Variants in DEPDC1B observed in about 807,000 individuals in gnomAD.
DEPDC1B encodes the protein DEP domain containing 1B, also known as DEP domain-containing protein 1B.
Under a neutral mutation model 66.5 loss-of-function variants are expected in DEPDC1B, and 51 were observed. The ratio of observed to expected loss-of-function variants is 0.77; its 90% CI spans 0.61 to 0.97. DEPDC1B has a LOEUF of 0.97. DEPDC1B is among the 50% of genes least tolerant of loss of function. The pLI, the probability that DEPDC1B is intolerant of heterozygous loss-of-function variation, is 0.00. For synonymous variants in DEPDC1B, 226 were observed against 223.6 expected, an observed-to-expected ratio of 1.01 and a Z score of -0.10; for missense variants, 552 against 637.1, an observed-to-expected ratio of 0.87 and a Z score of 1.44.
At chr5:60,639,346 ATTC>A (rs1335570003) in intron 6 of DEPDC1B, among the ~76,000 whole-genome samples, 2 of 152,310 alleles carry the variant, frequency 1.3e-5, no homozygotes, top group Non-Finnish European at 2.9e-5. Flanking sequence ...TCATTATTTC[ATTC>A]TTGTTATATT....
chr5:60,671,183 G>GAGT (rs1238738085), intron 2 of DEPDC1B, among the ~76,000 whole-genome samples: 1 of 152,186 alleles, frequency 6.6e-6, no homozygotes, highest in Non-Finnish European at 1.5e-5. Context: ...TGAGGATGAA[G>GAGT]AGTCAAGGAG....
chr5:60,666,041 C>T (rs1199118270), intron 2 of DEPDC1B, among the ~76,000 whole-genome samples: 3 of 152,202 alleles, frequency 2.0e-5, no homozygotes. Flanking sequence ...TCTTCTGGTC[C>T]GCGTTTGTTA....
intron 1 of DEPDC1B, chr5:60,687,809 A>G: frequency 4.7e-6 from 1 of 214,698 alleles, no homozygotes; most frequent in African/African-American, 2.4e-5. Context: ...TACAGGAGTG[A>G]GCCACTGCAC....
intron 7 of DEPDC1B, among the ~76,000 whole-genome samples, chr5:60,607,729 A>G (rs1752339904): frequency 6.6e-6 from 1 of 152,234 alleles, no homozygotes; most frequent in Admixed American, 6.5e-5. Context: ...TAAGGAGGTA[A>G]CATGTGAGCA....
intron 1 of DEPDC1B, among the ~76,000 whole-genome samples, chr5:60,690,159 A>G (rs1754509530): frequency 6.6e-6 from 1 of 152,236 alleles, no homozygotes; most frequent in African/African-American, 2.4e-5. Context: ...TAAGCATTTT[A>G]TATACTTATA....
chr5:60,652,234 G>T (rs1306500142), intron 2 of DEPDC1B, among the ~76,000 whole-genome samples: 1 of 149,482 alleles, frequency 6.7e-6, no homozygotes, highest in African/African-American at 2.5e-5. Context: ...GCATTAGCAT[G>T]ATCTGAAAAT....
intron 9 of DEPDC1B, 114 bp downstream of exon 9, chr5:60,603,277 C>T (rs922435794): frequency 2.6e-5 from 26 of 998,470 alleles, no homozygotes; most frequent in Non-Finnish European, 3.6e-5. Flanking sequence ...GTTGTAAGTA[C>T]TTTATAAACA....
chr5:60,686,949 A>C lies in DEPDC1B; in HGVS notation c.314+13T>G, dbSNP rs766196207. The C allele has an allele frequency of 1.2e-6, 2 of 1,613,096 alleles. No individual in the cohort carries two copies. The highest frequency in any genetic ancestry group is 1.7e-6 in the Non-Finnish European group (2 of 1,179,138). ...CCAATTCCTCACCTTCCAGGTTTAC[A>C]TGTTGCCATTACCTGTATAAGTGAC... On this transcript the variant is annotated intron_variant, in intron 2 of 10. Transcript: ENST00000265036.
intron 7 of DEPDC1B, 49 bp from the exon 8 acceptor site, chr5:60,605,905 A>G (rs771345169): frequency 6.7e-7 from 1 of 1,503,000 alleles, no homozygotes; most frequent in Non-Finnish European, 8.9e-7. Context: ...ATAGCCTAGT[A>G]GATTCTATAT....
In DEPDC1B at chr5:60,655,400, T is replaced by C. The variant is rs1469600905; in HGVS notation, c.315-7867A>G. ...ATTTATACATCTCCTCTAGGTTTTC[T>C]AGTTTGTGCACATTAAGGTGTTCCT... On this transcript the variant is annotated intron_variant, in intron 2 of 10. Coordinates refer to ENST00000265036, the MANE Select transcript of DEPDC1B (RefSeq NM_018369.3). Among the ~76,000 whole-genome samples the C allele has an allele frequency of 2.7e-5, 4 of 149,154 alleles. 1 individual carries two copies. The highest frequency in any genetic ancestry group is 4.4e-5 in the Non-Finnish European group (3 of 67,912).
intron 7 of DEPDC1B, chr5:60,630,709 G>C (rs1457954790): frequency 1.3e-5 from 2 of 152,478 alleles, no homozygotes; most frequent in Admixed American, 6.5e-5. Flanking sequence ...GGGCTCTTTA[G>C]CACTTAGGAG....
chr5:60,638,837 C>T lies in DEPDC1B; in HGVS notation c.811G>A (p.Val271Ile), dbSNP rs1392348811. 26 of 1,613,234 alleles carry T rather than the reference C, an allele frequency of 1.6e-5. No individual in the cohort carries two copies. Among genetic ancestry groups the T allele is most frequent in the Non-Finnish European group, 2.1e-5 (25 of 1,179,588 alleles). Residue 271 changes from valine (V) to isoleucine (I), a missense_variant, in exon 7 of 11, where the codon GTC becomes ATC. By Grantham distance (29) the Val-to-Ile change is conservative. Transcript: ENST00000265036. ...QPMYLGFEKD[V>I]FKTIADYYGH... ...TAGTAATCAGCTATGGTTTTAAAGA[C>T]ATCTTTTTCAAATCCCAAGTACATA...
intron 7 of DEPDC1B, among the ~76,000 whole-genome samples, chr5:60,627,142 T>A (rs547283263): frequency 6.2e-4 from 94 of 152,308 alleles, no homozygotes; most frequent in African/African-American, 2.3e-3. Context: ...GCTTAGATTC[T>A]AAAAACTAGT....
At chr5:60,678,311 A>G (rs1265744915) in intron 2 of DEPDC1B, among the ~76,000 whole-genome samples, 1 of 152,186 alleles carries the variant, frequency 6.6e-6, no homozygotes, top group African/African-American at 2.4e-5. Flanking sequence ...TACAATAGTT[A>G]TCCATTCACC....
chr5:60,650,304 G>C (rs1389970942), intron 2 of DEPDC1B, among the ~76,000 whole-genome samples: 1 of 152,210 alleles, frequency 6.6e-6, no homozygotes, highest in Non-Finnish European at 1.5e-5. Context: ...TGTCCTATCA[G>C]ATATCAAGGC....
chr5:60,638,426 A>G (rs286158), intron 7 of DEPDC1B, among the ~76,000 whole-genome samples: 110,050 of 152,130 alleles, frequency 0.72, 41,029 homozygotes, highest in African/African-American at 0.92. Flanking sequence ...AACAGATTTA[A>G]CCAGGAATAG....
intron 2 of DEPDC1B, among the ~76,000 whole-genome samples, chr5:60,650,688 T>C (rs1281283139): frequency 6.6e-6 from 1 of 152,200 alleles, no homozygotes; most frequent in African/African-American, 2.4e-5. Context: ...CAATAAATAG[T>C]ACTGAGCCAA....
At chr5:60,618,041 G>T (rs1169930085) in intron 7 of DEPDC1B, among the ~76,000 whole-genome samples, 1 of 152,162 alleles carries the variant, frequency 6.6e-6, no homozygotes, top group Non-Finnish European at 1.5e-5. Flanking sequence ...AATGACTACT[G>T]GGTACATAAC....
chr5:60,651,512 CAG>C (rs932497428), intron 2 of DEPDC1B, among the ~76,000 whole-genome samples: 1 of 143,804 alleles, frequency 7.0e-6, no homozygotes, highest in African/African-American at 2.7e-5. Flanking sequence ...GACTGGGCAA[CAG>C]AGAGAGACTC....
Sources: gnomAD v4.1 joint callset for allele counts (sites outside exome capture counted in the v4.1 genomes callset) on GRCh38, gnomAD v4.1.1 for gene constraint, MANE v1.5 for transcripts, NCBI Gene and HGNC (gene_info 2026-07-23, HGNC 2026-07-21) for gene names.